The following PTPRO variants were observed in gnomAD, a reference collection of about 807,000 sequenced individuals.
The protein encoded by PTPRO is receptor-type tyrosine-protein phosphatase O.
Under a neutral mutation model 145.2 loss-of-function variants are expected in PTPRO, and 62 were observed. That is an observed-to-expected ratio of 0.43 (90% confidence interval 0.35 to 0.53). The LOEUF is 0.53. Ranked by LOEUF, PTPRO falls within the 20% of genes least tolerant of loss-of-function variation. The probability of loss-of-function intolerance (pLI) is 0.01; values close to 1 mark genes in which losing one functional copy is unlikely to be tolerated. For synonymous variants in PTPRO, 565 were observed against 514.7 expected (o/e 1.10, Z -1.32); for missense variants, 1,345 against 1,482.7 (o/e 0.91, Z 1.53).
intron 1 of PTPRO, among the ~76,000 whole-genome samples, chr12:15,469,637 A>C (rs1941493696): frequency 6.6e-6 from 1 of 152,148 alleles, no homozygotes; most frequent in South Asian, 2.1e-4. Flanking sequence ...TGCAGACAAA[A>C]CAAGAAAAAG....
intron 1 of PTPRO, among the ~76,000 whole-genome samples, chr12:15,415,599 A>G (rs373996118): frequency 1.2e-4 from 18 of 151,518 alleles, no homozygotes; most frequent in Non-Finnish European, 1.5e-4. Context: ...GTTAGCCAGG[A>G]TGGTCTCGAT....
chr12:15,476,078 A>G (rs1941646595), intron 1 of PTPRO, among the ~76,000 whole-genome samples: 1 of 152,182 alleles, frequency 6.6e-6, no homozygotes, highest in Non-Finnish European at 1.5e-5. Flanking sequence ...ATGATAGGGG[A>G]AAAATGAGAA....
At chr12:15,493,756 A>T (rs903076334) in intron 2 of PTPRO, among the ~76,000 whole-genome samples, 1 of 152,212 alleles carries the variant, frequency 6.6e-6, no homozygotes, top group Non-Finnish European at 1.5e-5. Context: ...AGGCTAGACT[A>T]TCTGACACAG....
chr12:15,409,867 G>A (rs139592775), intron 1 of PTPRO, among the ~76,000 whole-genome samples: 19 of 152,272 alleles, frequency 1.2e-4, no homozygotes, highest in Admixed American at 1.1e-3. Flanking sequence ...CAATCACCTC[G>A]CACCAGGCGC....
At chr12:15,412,339 A>G (rs530832049) in intron 1 of PTPRO, among the ~76,000 whole-genome samples, 49 of 152,342 alleles carry the variant, frequency 3.2e-4, no homozygotes, top group African/African-American at 1.1e-3. Flanking sequence ...CTTTTTTATT[A>G]ACAGTTATAT....
chr12:15,337,787 A>G (rs763803621), intron 1 of PTPRO, among the ~76,000 whole-genome samples: 8 of 152,222 alleles, frequency 5.3e-5, no homozygotes, highest in Non-Finnish European at 1.0e-4. Context: ...ACTTCAGGAA[A>G]ATAATGCTGA....
intron 1 of PTPRO, among the ~76,000 whole-genome samples, chr12:15,469,697 T>C (rs1308644317): frequency 2.0e-5 from 3 of 148,178 alleles, no homozygotes; most frequent in Non-Finnish European, 4.4e-5. Flanking sequence ...GTAATACTGA[T>C]TACTGAATAA....
chr12:15,358,176 T>G (rs1470231153), intron 1 of PTPRO, among the ~76,000 whole-genome samples: 1 of 138,022 alleles, frequency 7.2e-6, no homozygotes, highest in African/African-American at 2.8e-5. Context: ...AGGTGGGAAT[T>G]GACCAATGAG....
chr12:15,337,314 T>C (rs1362740010), intron 1 of PTPRO: 1 of 152,136 alleles, frequency 6.6e-6, no homozygotes, highest in South Asian at 2.1e-4. Context: ...GCAGGCATAA[T>C]AGTGATACTT....
chr12:15,571,826 A>G (rs553739729), intron 19 of PTPRO, among the ~76,000 whole-genome samples: 1 of 152,270 alleles, frequency 6.6e-6, no homozygotes, highest in South Asian at 2.1e-4. Context: ...AGCAAAACCT[A>G]AGAAGGGCAT....
At chr12:15,382,030 C>A (rs895874454) in intron 1 of PTPRO, among the ~76,000 whole-genome samples, 9 of 151,576 alleles carry the variant, frequency 5.9e-5, no homozygotes, top group African/African-American at 1.9e-4. Flanking sequence ...TTATAATCTT[C>A]ATTCTGAGCC....
Position 15,404,188 on chromosome 12 carries a change from C to CAAAAA in PTPRO, c.76-79766_76-79762dup, listed in dbSNP as rs370733389. Among the ~76,000 whole-genome samples the CAAAAA allele has an allele frequency of 5.2e-4, 26 of 49,944 alleles. 1 individual carries two copies. Among genetic ancestry groups the CAAAAA allele is most frequent in the African/African-American group, 8.7e-4 (14 of 16,060 alleles). The allele number at this position is 49,944 out of a possible 152,430, so 32.8% of individuals were successfully genotyped here. ...TGGGCAACAAAGCAAGACCCCATCT[C>CAAAAA]AAAAAAAAAAAAAAAAAAAAAAAAG... On this transcript the variant is annotated intron_variant, in intron 1 of 26. Coordinates refer to ENST00000281171, the MANE Select transcript of PTPRO (RefSeq NM_030667.3).
chr12:15,464,551 AG>A (rs1407837049), intron 1 of PTPRO, among the ~76,000 whole-genome samples: 1 of 149,002 alleles, frequency 6.7e-6, no homozygotes, highest in Non-Finnish European at 1.5e-5. Flanking sequence ...TTTTTAATAG[AG>A]GGGGGTTTCA....
At position 15,322,789 on chromosome 12, in the gene PTPRO, T is replaced by C. The variant is rs745809506; in HGVS notation, c.63T>C (p.Phe21=). The part of the protein sequence containing the change: ...ARRLLPLLWL[F]VLFKNATAFH... ...GCCTCCTGCCTCTGCTCTGGCTCTT[T>C]GTGCTGTTCAAGGTAGGGGAGCTCC... is the stretch of plus-strand genomic sequence containing the variant. The change falls in exon 1 of 27, where the codon TTT becomes TTC. Residue 21 remains phenylalanine (F), a synonymous_variant. Coordinates refer to ENST00000281171, the MANE Select transcript of PTPRO (RefSeq NM_030667.3). This position sits in a 1 kb window ranked among gnomAD's most constrained non-coding sequence, Gnocchi z 6.3. 1.2e-6 allele frequency: 2 copies of C among 1,612,602 alleles called. No homozygotes were observed. Among genetic ancestry groups the C allele is most frequent in the African/African-American group, 2.7e-5 (2 of 74,864 alleles).
chr12:15,549,202 A>G lies in PTPRO; in HGVS notation c.2413A>G (p.Thr805Ala). Reference sequence around the variant, plus strand: ...TAGCCATGACAGCCCCAGTGTCCCTACGTTCATAGCCGTCTCAACAATGGG... The same window carrying G: ...TAGCCATGACAGCCCCAGTGTCCCTGCGTTCATAGCCGTCTCAACAATGGG... Reference protein sequence around the residue: ...SFSHDSPSVPTFIAVSTMVTE... With the variant: ...SFSHDSPSVPAFIAVSTMVTE... Residue 805 changes from threonine (T) to alanine (A), a missense_variant, in exon 14 of 27, where the codon ACG (threonine) becomes GCG (alanine). Thr to Ala is a moderately conservative substitution (Grantham distance 58, BLOSUM62 0). Around this residue, in one of 3 missense-constraint regions of PTPRO, gnomAD observed 1,130 missense variants for 1,214.7 expected, o/e 0.93. Coordinates refer to ENST00000281171, the MANE Select transcript of PTPRO (RefSeq NM_030667.3). The G allele has an allele frequency of 6.2e-7, 1 of 1,612,392 alleles. No individual in the cohort carries two copies. The highest frequency in any genetic ancestry group is 8.5e-7 in the Non-Finnish European group (1 of 1,179,188).
intron 2 of PTPRO, among the ~76,000 whole-genome samples, chr12:15,489,581 G>A (rs1188108141): frequency 6.6e-6 from 1 of 152,154 alleles, no homozygotes; most frequent in Non-Finnish European, 1.5e-5. Flanking sequence ...GCATGCTAAT[G>A]TATTATAATT....
chr12:15,415,433 G>A (rs530680666), intron 1 of PTPRO, among the ~76,000 whole-genome samples: 17 of 150,774 alleles, frequency 1.1e-4, no homozygotes, highest in Non-Finnish European at 1.9e-4. Context: ...CGCCCAGGCT[G>A]GAGTGCAGTG....
chr12:15,410,263 T>A (rs1228189692), intron 1 of PTPRO: 1 of 152,220 alleles, frequency 6.6e-6, no homozygotes, highest in Non-Finnish European at 1.5e-5. Context: ...AGATACCTGA[T>A]TAAATATTGT....
chr12:15,493,686 A>G (rs1942045407), intron 2 of PTPRO, among the ~76,000 whole-genome samples: 1 of 152,186 alleles, frequency 6.6e-6, no homozygotes. Flanking sequence ...ACTATCATAC[A>G]CTGCTAATAG....
Sources: allele counts gnomAD v4.1 joint callset (sites outside exome capture counted in the v4.1 genomes callset), GRCh38; gene constraint gnomAD v4.1.1; regional missense constraint gnomAD v4.1.1; non-coding constraint Gnocchi (gnomAD v3.1); transcripts MANE v1.5; gene names NCBI Gene and HGNC (gene_info 2026-07-23, HGNC 2026-07-21).